Variants in DENND1A observed in about 807,000 individuals in gnomAD.
DENND1A encodes DENN domain-containing protein 1A.
A neutral mutation model predicts 113.7 loss-of-function variants in DENND1A; 51 were observed. That is an observed-to-expected ratio of 0.45 (90% CI 0.36 to 0.57). DENND1A has a LOEUF of 0.57. DENND1A is among the 20% of genes least tolerant of loss of function. DENND1A has a pLI of 0.00. For synonymous variants in DENND1A, 565 were observed against 570.8 expected, an observed-to-expected ratio of 0.99 and a Z score of 0.14; for missense variants, 1,258 against 1,395.9, an observed-to-expected ratio of 0.90 and a Z score of 1.57.
intron 13 of DENND1A, among the ~76,000 whole-genome samples, chr9:123,499,986 G>A (rs904976986): frequency 6.6e-6 from 1 of 152,170 alleles, no homozygotes; most frequent in Non-Finnish European, 1.5e-5. Flanking sequence ...CCTTCACACT[G>A]GGCAAAGGAA....
intron 18 of DENND1A, among the ~76,000 whole-genome samples, chr9:123,448,168 G>A (rs990165187): frequency 6.6e-6 from 1 of 152,186 alleles, no homozygotes; most frequent in Non-Finnish European, 1.5e-5. Flanking sequence ...ACTGGCAGGG[G>A]GAAGGGAAGG....
At chr9:123,556,418 A>G (rs1277392393) in intron 13 of DENND1A, among the ~76,000 whole-genome samples, 1 of 152,238 alleles carries the variant, frequency 6.6e-6, no homozygotes, top group Non-Finnish European at 1.5e-5. Context: ...CGACGGAGTC[A>G]GAGCAGTAAA....
intron 11 of DENND1A, among the ~76,000 whole-genome samples, chr9:123,598,148 T>C (rs905770049): frequency 6.6e-6 from 1 of 152,172 alleles, no homozygotes. Context: ...CTTCTGACAC[T>C]GCCAAACCTT....
chr9:123,452,376 G>C, intron 16 of DENND1A, 29 bp from the exon 17 acceptor site: 1 of 1,594,112 alleles, frequency 6.3e-7, no homozygotes, highest in South Asian at 1.1e-5. Flanking sequence ...TTAGCAATTT[G>C]GGCTGAAGAC....
At chr9:123,914,006 T>A (rs1377896196) in intron 1 of DENND1A, among the ~76,000 whole-genome samples, 1 of 151,384 alleles carries the variant, frequency 6.6e-6, no homozygotes, top group African/African-American at 2.4e-5. Flanking sequence ...GTCCGAGAAC[T>A]ATACCACACA....
chr9:123,807,847 G>A (rs1467467960), intron 2 of DENND1A, among the ~76,000 whole-genome samples: 1 of 152,198 alleles, frequency 6.6e-6, no homozygotes, highest in Non-Finnish European at 1.5e-5. Flanking sequence ...ATCCCCAGAA[G>A]ATCAGGAGAG....
At chr9:123,677,002 T>A (rs910928168) in intron 5 of DENND1A, among the ~76,000 whole-genome samples, 3 of 152,234 alleles carry the variant, frequency 2.0e-5, no homozygotes, top group Non-Finnish European at 4.4e-5. Flanking sequence ...ATGTCCATTA[T>A]AAATTATTCC....
At chr9:123,735,640 T>A (rs1174213526) in intron 5 of DENND1A, among the ~76,000 whole-genome samples, 1 of 152,228 alleles carries the variant, frequency 6.6e-6, no homozygotes, top group Non-Finnish European at 1.5e-5. Flanking sequence ...TTTCCTTTTT[T>A]AAAAGTTTTT....
intron 2 of DENND1A, among the ~76,000 whole-genome samples, chr9:123,858,708 A>G (rs1324942999): frequency 6.6e-6 from 1 of 152,204 alleles, no homozygotes; most frequent in Non-Finnish European, 1.5e-5. Flanking sequence ...GTCAGGGCCA[A>G]AGACACAAGC....
intron 5 of DENND1A, among the ~76,000 whole-genome samples, chr9:123,744,631 G>A (rs1012162095): frequency 3.2e-4 from 48 of 152,044 alleles, no homozygotes; most frequent in African/African-American, 1.2e-3. Flanking sequence ...CATAACCTAG[G>A]CTCATGTACA....
At chr9:123,718,081 C>T (rs2067098531) in intron 5 of DENND1A, among the ~76,000 whole-genome samples, 2 of 152,152 alleles carry the variant, frequency 1.3e-5, no homozygotes, top group Non-Finnish European at 2.9e-5. Context: ...TGGGAAATGG[C>T]CTCCATCCTG....
At chr9:123,925,666 T>C (rs1856967593) in intron 1 of DENND1A, among the ~76,000 whole-genome samples, 1 of 152,176 alleles carries the variant, frequency 6.6e-6, no homozygotes, top group Non-Finnish European at 1.5e-5. Flanking sequence ...ACATTTATTG[T>C]TTAATATGTG....
At chr9:123,534,760 T>C (rs1229489945) in intron 13 of DENND1A, among the ~76,000 whole-genome samples, 3 of 152,236 alleles carry the variant, frequency 2.0e-5, no homozygotes, top group African/African-American at 7.2e-5. Flanking sequence ...CCATTCATGT[T>C]AACTCTCCTG....
At chr9:123,406,492 C>T (rs189811911) in intron 20 of DENND1A, among the ~76,000 whole-genome samples, 93 of 152,306 alleles carry the variant, frequency 6.1e-4, no homozygotes, top group Middle Eastern at 3.4e-3. Flanking sequence ...ATTCTCTTAC[C>T]CCTGCCTCGC....
intron 13 of DENND1A, among the ~76,000 whole-genome samples, chr9:123,500,999 C>G (rs2052430443): frequency 6.6e-6 from 1 of 152,206 alleles, no homozygotes; most frequent in South Asian, 2.1e-4. Flanking sequence ...AGTGATATTA[C>G]ATGCATTCAT....
chr9:123,422,707 C>T lies in DENND1A; in HGVS notation c.1489-10878G>A, dbSNP rs1459985769. ...AATATCAGAAGGCTGGGGGAATATG[C>T]GGCTCTCCAATTTGTACGGACTGCA... On this transcript the variant is annotated intron_variant, in intron 19 of 23. Transcript: ENST00000394215. This position sits in a 1 kb window ranked among gnomAD's most constrained non-coding sequence, Gnocchi z 4.8. 3.9e-5 allele frequency among the ~76,000 whole-genome samples: 6 copies of T among 152,318 alleles called. No individual in the cohort carries two copies. Among genetic ancestry groups the T allele is most frequent in the Non-Finnish European group, 7.4e-5 (5 of 68,026 alleles).
chr9:123,546,169 G>T (rs980046981), intron 13 of DENND1A, among the ~76,000 whole-genome samples: 1 of 152,098 alleles, frequency 6.6e-6, no homozygotes, highest in African/African-American at 2.4e-5. Context: ...CTGTGCCTTC[G>T]CTTTACATTT....
intron 2 of DENND1A, among the ~76,000 whole-genome samples, chr9:123,828,966 T>C (rs1839790922): frequency 6.6e-6 from 1 of 151,882 alleles, no homozygotes; most frequent in Non-Finnish European, 1.5e-5. Flanking sequence ...ACCACAGAAC[T>C]GAAATAAAGA....
At chr9:123,929,454 C>T (rs1857635387) in intron 1 of DENND1A, among the ~76,000 whole-genome samples, 1 of 152,216 alleles carries the variant, frequency 6.6e-6, no homozygotes, top group Non-Finnish European at 1.5e-5. Flanking sequence ...CACGCGACTT[C>T]TGTGGGGGCC....
Sources: allele counts gnomAD v4.1 joint callset (sites outside exome capture counted in the v4.1 genomes callset), GRCh38; gene constraint gnomAD v4.1.1; non-coding constraint Gnocchi (gnomAD v3.1); transcripts MANE v1.5; gene names NCBI Gene and HGNC (gene_info 2026-07-23, HGNC 2026-07-21).